The following SCN2A variants were observed in gnomAD, a reference collection of about 807,000 sequenced individuals.
SCN2A encodes the protein sodium channel protein type 2 subunit alpha.
In SCN2A, 20 loss-of-function variants were observed where a neutral mutation model predicts 188.7. The observed-to-expected ratio is 0.11, with a 90% CI of 0.07 to 0.15. The LOEUF is 0.15. Among genes scored for constraint, SCN2A ranks in the 10% least tolerant of loss-of-function variants. The probability of loss-of-function intolerance (pLI) is 1.00; values close to 1 mark genes in which losing one functional copy is unlikely to be tolerated. For missense variants in SCN2A, 1,278 were observed against 2,445.0 expected, an observed-to-expected ratio of 0.52 and a Z score of 10.07; for synonymous variants, 804 against 833.1, an observed-to-expected ratio of 0.97 and a Z score of 0.60.
intron 17 of SCN2A, among the ~76,000 whole-genome samples, chr2:165,355,870 G>A (rs1017607857): frequency 2.0e-5 from 3 of 151,766 alleles, no homozygotes; most frequent in African/African-American, 4.8e-5. Context: ...GTGGTGGTGC[G>A]TGCCTGTAAT....
At chr2:165,252,683 A>C (rs888856024) in intron 1 of SCN2A, among the ~76,000 whole-genome samples, 1 of 152,042 alleles carries the variant, frequency 6.6e-6, no homozygotes. Flanking sequence ...GATGATTACA[A>C]GGTGGGGAAA....
chr2:165,251,978 A>G (rs1694116215), intron 1 of SCN2A, among the ~76,000 whole-genome samples: 1 of 152,112 alleles, frequency 6.6e-6, no homozygotes, highest in South Asian at 2.1e-4. Flanking sequence ...GATTTTAAAT[A>G]CCTTCATGAT....
At position 165,342,301 on chromosome 2, in the gene SCN2A, C is replaced by T; in HGVS notation, c.2394C>T (p.Phe798=). Residue 798 remains phenylalanine, a synonymous_variant, in exon 15 of 27, where the codon TTC becomes TTT. Transcript: ENST00000375437. ...SSVLSVGNLV[F]TGIFTAEMFL... ...GAACTACACTTCTCATTTAGGTCTT[C>T]ACAGGGATCTTCACAGCAGAAATGT... 6.2e-7 allele frequency: 1 copy of T among 1,613,594 alleles called. No individual in the cohort carries two copies. Among genetic ancestry groups the T allele is most frequent in the Admixed American group, 1.7e-5 (1 of 60,026 alleles).
At chr2:165,258,299 TTTTAAG>T (rs751034928) in intron 1 of SCN2A, among the ~76,000 whole-genome samples, 5 of 152,146 alleles carry the variant, frequency 3.3e-5, no homozygotes, top group African/African-American at 9.7e-5. Flanking sequence ...TAGCTTTAGG[TTTTAAG>T]TTTAAGTATT....
At chr2:165,344,478 AAAAATAAAAAT>A (rs1327211787) in intron 15 of SCN2A, 66 bp from the exon 16 acceptor site, 5 of 910,702 alleles carry the variant, frequency 5.5e-6, no homozygotes, top group Non-Finnish European at 7.5e-6. Context: ...TAAAAAATAA[AAAAATAAAAAT>A]AAAATAAAAT....
chr2:165,271,641 A>G (rs1043037044), intron 1 of SCN2A: 2 of 152,152 alleles, frequency 1.3e-5, no homozygotes, highest in African/African-American at 4.8e-5. Context: ...GAGTTTTGAC[A>G]AATGTATTCC....
intron 14 of SCN2A, among the ~76,000 whole-genome samples, chr2:165,333,423 A>G (rs1475505902): frequency 2.0e-5 from 3 of 146,894 alleles, no homozygotes; most frequent in Non-Finnish European, 4.6e-5. Context: ...ACATCAATAA[A>G]CTTAAAAAAA....
intron 1 of SCN2A, among the ~76,000 whole-genome samples, chr2:165,288,231 T>G (rs2106132168): frequency 6.6e-6 from 1 of 152,306 alleles, no homozygotes; most frequent in Middle Eastern, 3.4e-3. Flanking sequence ...TGTGTGGAAT[T>G]CAGAGAAAAA....
At chr2:165,273,078 A>C (rs894227336) in intron 1 of SCN2A, 7 of 152,166 alleles carry the variant, frequency 4.6e-5, no homozygotes, top group African/African-American at 1.7e-4. Context: ...CAATGGGAAT[A>C]GATCCTTTCA....
chr2:165,385,971 C>T (rs2390211), intron 25 of SCN2A, among the ~76,000 whole-genome samples: 6 of 151,982 alleles, frequency 3.9e-5, no homozygotes, highest in South Asian at 2.1e-4. Context: ...GAACATAATA[C>T]GTGAGTTTAT....
At chr2:165,363,130 G>A (rs1182208650) in intron 17 of SCN2A, among the ~76,000 whole-genome samples, 1 of 152,014 alleles carries the variant, frequency 6.6e-6, no homozygotes, top group Non-Finnish European at 1.5e-5. Context: ...TCACTGTCAA[G>A]GGCTAGACTT....
intron 1 of SCN2A, among the ~76,000 whole-genome samples, chr2:165,275,660 T>C (rs1024354049): frequency 2.0e-5 from 3 of 152,208 alleles, no homozygotes; most frequent in African/African-American, 7.2e-5. Flanking sequence ...TACAGTGCTA[T>C]ATGTAAGAGC....
chr2:165,329,558 A>G (rs1441587832), intron 13 of SCN2A, among the ~76,000 whole-genome samples: 1 of 152,142 alleles, frequency 6.6e-6, no homozygotes. Context: ...TACTGTCAAG[A>G]TGAGCCACAC....
intron 20 of SCN2A, chr2:165,371,827 A>C (rs1440991590): frequency 6.6e-6 from 1 of 152,208 alleles, no homozygotes; most frequent in Non-Finnish European, 1.5e-5. Flanking sequence ...GGTGGAGGTG[A>C]GAATGACGGA....
At position 165,345,653 on chromosome 2, in the gene SCN2A, A is replaced by G. The variant is rs184249383; in HGVS notation, c.2919+742A>G. On this transcript the variant is annotated intron_variant, in intron 16 of 26. Coordinates refer to ENST00000375437, the MANE Select transcript of SCN2A (RefSeq NM_001040142.2). ...GGTCACAGCACACCGATGGGTCTTG[A>G]CTCTATCCAATTTGCCAGTCTGTGT... Among the ~76,000 whole-genome samples, 21 of 150,372 alleles carry G rather than the reference A, an allele frequency of 1.4e-4. 1 individual carries two copies. In the East Asian group the frequency reaches 4.1e-3, roughly 30 times the overall value.
intron 1 of SCN2A, among the ~76,000 whole-genome samples, chr2:165,252,940 G>C (rs1285014287): frequency 1.3e-5 from 2 of 151,980 alleles, no homozygotes; most frequent in African/African-American, 4.8e-5. Flanking sequence ...ACCAAAATTT[G>C]GTTAATAGGC....
Position 165,365,263 on chromosome 2 carries a change from G to A in SCN2A, c.3520G>A (p.Asp1174Asn), listed in dbSNP as rs1272905427. 1 of 1,613,592 alleles carries A rather than the reference G, an allele frequency of 6.2e-7. No individual in the cohort carries two copies. Among genetic ancestry groups the A allele is most frequent in the Non-Finnish European group, 8.5e-7 (1 of 1,179,770 alleles). Reference protein sequence around the residue: ...SLEPEACFTEDCVRKFKCCQI... With the variant: ...SLEPEACFTENCVRKFKCCQI... ...TGAACCTGAAGCCTGTTTTACAGAA[G>A]GTAAGCAAAACAATAACATATGTGG... The change falls in exon 18 of 27, where the codon GAC (aspartate) becomes AAC (asparagine). Residue 1174 changes from aspartate to asparagine, a missense_variant and splice_region_variant. Physicochemically the swap from Asp to Asn is conservative, Grantham distance 23. This residue lies in a region of SCN2A where 228 missense variants were observed against 297.3 expected (regional missense o/e 0.77). Transcript: ENST00000375437.
intron 1 of SCN2A, among the ~76,000 whole-genome samples, chr2:165,292,925 A>G (rs1016628041): frequency 1.3e-5 from 2 of 152,210 alleles, no homozygotes; most frequent in Non-Finnish European, 2.9e-5. Flanking sequence ...TAAGTCCTCA[A>G]ATCTTCACTA....
rs566894540 is a variant in SCN2A at position 165,316,811 on chromosome 2, A to G, written c.1671+1053A>G. Among the ~76,000 whole-genome samples, 7 of 152,288 alleles carry G rather than the reference A, an allele frequency of 4.6e-5. No individual in the cohort carries two copies. The South Asian group carries it at 1.2e-3, about 27-fold the overall frequency. ...GTAGAATAGTATTATTTTCATTACTATAATGAAAAAGCTATTTTGGATCAG... is the reference window on the plus strand; with the variant it reads ...GTAGAATAGTATTATTTTCATTACTGTAATGAAAAAGCTATTTTGGATCAG... On this transcript the variant is annotated intron_variant, in intron 11 of 26. Transcript: ENST00000375437.
Sources: allele counts gnomAD v4.1 joint callset (sites outside exome capture counted in the v4.1 genomes callset), GRCh38; gene constraint gnomAD v4.1.1; regional missense constraint gnomAD v4.1.1; transcripts MANE v1.5; gene names NCBI Gene and HGNC (gene_info 2026-07-23, HGNC 2026-07-21).